The following SCAI variants were observed in gnomAD, a reference collection of about 807,000 sequenced individuals.
SCAI encodes suppressor of cancer cell invasion.
Under a neutral mutation model 92.2 loss-of-function variants are expected in SCAI, and 24 were observed. The ratio of observed to expected loss-of-function variants is 0.26; its 90% CI spans 0.19 to 0.37. The LOEUF (loss-of-function observed/expected upper bound fraction) is 0.37. Ranked by LOEUF, SCAI falls within the 10% of genes least tolerant of loss-of-function variation. The pLI is 1.00. For synonymous variants in SCAI, 261 were observed against 258.6 expected (o/e 1.01, Z -0.09); for missense variants, 450 against 736.2 (o/e 0.61, Z 4.50).
intron 7 of SCAI, among the ~76,000 whole-genome samples, chr9:125,019,789 T>C (rs897825799): frequency 1.3e-5 from 2 of 152,070 alleles, no homozygotes; most frequent in African/African-American, 4.8e-5. Context: ...AACTGGCATG[T>C]TGAGCTGGGC....
At chr9:125,058,195 T>C (rs1272747627) in intron 2 of SCAI, among the ~76,000 whole-genome samples, 2 of 151,252 alleles carry the variant, frequency 1.3e-5, no homozygotes, top group Non-Finnish European at 2.9e-5. Flanking sequence ...AATATGGAAA[T>C]GGAAGAAGTT....
intron 2 of SCAI, among the ~76,000 whole-genome samples, chr9:125,139,599 T>C (rs1305877179): frequency 1.3e-5 from 2 of 152,192 alleles, no homozygotes; most frequent in African/African-American, 2.4e-5. Flanking sequence ...TGAAAATCGA[T>C]ATGGCCAAAG....
At chr9:124,993,006 T>A (rs1016030547) in intron 14 of SCAI, among the ~76,000 whole-genome samples, 3 of 152,202 alleles carry the variant, frequency 2.0e-5, no homozygotes, top group African/African-American at 4.8e-5. Context: ...CCCAATTAAA[T>A]TGGGAGAAAC....
At chr9:125,086,869 T>C (rs757546328) in intron 2 of SCAI, among the ~76,000 whole-genome samples, 25 of 152,186 alleles carry the variant, frequency 1.6e-4, no homozygotes, top group Non-Finnish European at 2.6e-4. Context: ...GGTAGAATAA[T>C]AGAAACTGTT....
intron 3 of SCAI, among the ~76,000 whole-genome samples, chr9:125,042,612 A>AGTGTGTGTGTGTGTGTGTGTGTGTGT (rs1221206087): frequency 1.4e-5 from 1 of 71,036 alleles, no homozygotes; most frequent in Admixed American, 1.7e-4. Flanking sequence ...CTTCCACCAG[A>AGTGTGTGTGTGTGTGTGTGTGTGTGT]GTATGTGTGT....
chr9:125,006,121 T>C (rs1461097878), intron 9 of SCAI, among the ~76,000 whole-genome samples: 1 of 152,090 alleles, frequency 6.6e-6, no homozygotes, highest in Non-Finnish European at 1.5e-5. Context: ...GCTGACAGAA[T>C]TACATCAAAG....
At chr9:124,959,628 G>A (rs1831399332) in intron 17 of SCAI, among the ~76,000 whole-genome samples, 2 of 151,606 alleles carry the variant, frequency 1.3e-5, no homozygotes, top group South Asian at 4.2e-4. Flanking sequence ...TTGGTGTGCT[G>A]CACCCATTAA....
chr9:125,105,412 T>C (rs193101499), intron 2 of SCAI, among the ~76,000 whole-genome samples: 2 of 152,382 alleles, frequency 1.3e-5, no homozygotes, highest in Admixed American at 1.3e-4. Flanking sequence ...GGGCAAACTA[T>C]CTGTATTTTT....
chr9:125,069,555 T>C (rs1317887902), intron 2 of SCAI, among the ~76,000 whole-genome samples: 1 of 149,884 alleles, frequency 6.7e-6, no homozygotes, highest in Non-Finnish European at 1.5e-5. Flanking sequence ...CCTGACCTTG[T>C]GATCCGCCCG....
intron 2 of SCAI, among the ~76,000 whole-genome samples, chr9:125,085,906 C>A (rs1834317424): frequency 1.3e-5 from 2 of 152,150 alleles, no homozygotes; most frequent in African/African-American, 2.4e-5. Flanking sequence ...CCAAGAGGAC[C>A]AAGTGTCAAG....
chr9:125,048,511 T>A (rs1301180776), intron 3 of SCAI, among the ~76,000 whole-genome samples: 4 of 151,434 alleles, frequency 2.6e-5, no homozygotes, highest in Non-Finnish European at 5.9e-5. Flanking sequence ...TAAGAGAATA[T>A]TAATTTTCTG....
intron 9 of SCAI, among the ~76,000 whole-genome samples, chr9:125,007,807 G>A (rs1174720601): frequency 2.0e-5 from 3 of 152,004 alleles, no homozygotes; most frequent in African/African-American, 7.2e-5. Flanking sequence ...AGAGGCACAT[G>A]ACCAACATCC....
At chr9:125,049,985 G>A (rs1352760938) in intron 3 of SCAI, among the ~76,000 whole-genome samples, 1 of 151,746 alleles carries the variant, frequency 6.6e-6, no homozygotes, top group Non-Finnish European at 1.5e-5. Context: ...CTTTTCCGCA[G>A]TCAATTATAC....
chr9:125,102,786 C>T (rs1479068736), intron 2 of SCAI, among the ~76,000 whole-genome samples: 3 of 152,008 alleles, frequency 2.0e-5, no homozygotes, highest in Admixed American at 6.6e-5. Flanking sequence ...TCAGTAGAGG[C>T]GGGGTTTCGC....
chr9:125,085,089 A>G (rs534030400), intron 2 of SCAI, among the ~76,000 whole-genome samples: 92 of 152,326 alleles, frequency 6.0e-4, no homozygotes, highest in South Asian at 1.2e-3. Context: ...TATTACTACC[A>G]ATTAAAAAGG....
At chr9:125,030,855 C>T (rs1403152799) in intron 3 of SCAI, among the ~76,000 whole-genome samples, 11 of 152,108 alleles carry the variant, frequency 7.2e-5, no homozygotes, top group Admixed American at 1.3e-4. Context: ...TAGCTGCAAG[C>T]GGAGTTGAAA....
At chr9:125,046,318 C>T (rs747892044) in intron 3 of SCAI, among the ~76,000 whole-genome samples, 226 of 6,066 alleles carry the variant, frequency 0.037, 4 homozygotes, top group Non-Finnish European at 0.1. Flanking sequence ...TATATATATA[C>T]ACACACACAC....
chr9:125,015,328 AT>A (rs939920660), intron 9 of SCAI, among the ~76,000 whole-genome samples: 34 of 152,288 alleles, frequency 2.2e-4, no homozygotes, highest in African/African-American at 7.5e-4. Flanking sequence ...ACTCAAACAA[AT>A]TTACAAGAAA....
At chr9:124,971,625 C>T in intron 16 of SCAI, 46 bp downstream of exon 16, 1 of 1,486,708 alleles carries the variant, frequency 6.7e-7, no homozygotes, top group Non-Finnish European at 9.1e-7. Context: ...CATTTTAAGC[C>T]ATTATAGTAC....
Sources: gnomAD v4.1 joint callset for allele counts (sites outside exome capture counted in the v4.1 genomes callset) on GRCh38, gnomAD v4.1.1 for gene constraint, MANE v1.5 for transcripts, NCBI Gene and HGNC (gene_info 2026-07-23, HGNC 2026-07-21) for gene names.